FARS2: variants seen among roughly 807,000 people sequenced by gnomAD.
The protein encoded by FARS2 is phenylalanyl-tRNA synthetase 2, mitochondrial.
FARS2 carries 40 observed loss-of-function variants against 46.4 expected under a neutral mutation model. The observed-to-expected ratio is 0.86, with a 90% CI of 0.67 to 1.12. The LOEUF (loss-of-function observed/expected upper bound fraction) is 1.12, where lower values mean the gene tolerates loss of function less well. FARS2 is among the 50% of genes most tolerant of loss of function. The pLI is 0.00. For synonymous variants in FARS2, 234 were observed against 214.9 expected (o/e 1.09, Z -0.78); for missense variants, 513 against 567.9 (o/e 0.90, Z 0.98).
At chr6:5,656,152 A>G (rs917727476) in intron 6 of FARS2, among the ~76,000 whole-genome samples, 1 of 152,204 alleles carries the variant, frequency 6.6e-6, no homozygotes, top group East Asian at 1.9e-4. Flanking sequence ...AAGGAAGAGG[A>G]CGGTCCCTGT....
intron 4 of FARS2, among the ~76,000 whole-genome samples, chr6:5,502,093 AG>A (rs1391100795): frequency 1.8e-4 from 27 of 152,300 alleles, no homozygotes; most frequent in Admixed American, 8.5e-4. Context: ...AACTCCTCCC[AG>A]TCCAGCATGG....
At chr6:5,542,939 A>G (rs1375303219) in intron 4 of FARS2, among the ~76,000 whole-genome samples, 1 of 152,134 alleles carries the variant, frequency 6.6e-6, no homozygotes, top group Non-Finnish European at 1.5e-5. Context: ...TTGGACATAG[A>G]ACTTTTTTTG....
chr6:5,425,312 A>G (rs191814851), intron 3 of FARS2, among the ~76,000 whole-genome samples: 117 of 152,332 alleles, frequency 7.7e-4, no homozygotes, highest in African/African-American at 2.8e-3. Context: ...GGAAAGTCCC[A>G]TCTTTAAATA....
chr6:5,283,499 A>C (rs1195589360), intron 1 of FARS2, among the ~76,000 whole-genome samples: 1 of 149,008 alleles, frequency 6.7e-6, no homozygotes, highest in East Asian at 2.0e-4. Flanking sequence ...CAGTAAGCTG[A>C]GATTGCGCCA....
intron 1 of FARS2, among the ~76,000 whole-genome samples, chr6:5,290,417 A>G (rs749195405): frequency 2.6e-5 from 4 of 152,214 alleles, no homozygotes; most frequent in East Asian, 3.8e-4. Context: ...AGAAAAGATC[A>G]CAGCAATTTG....
chr6:5,748,845 C>T (rs571586510), intron 6 of FARS2, among the ~76,000 whole-genome samples: 49 of 152,348 alleles, frequency 3.2e-4, no homozygotes, highest in African/African-American at 1.1e-3. Flanking sequence ...TGTGAGCCTG[C>T]AACTGTAAAA....
intron 1 of FARS2, among the ~76,000 whole-genome samples, chr6:5,331,413 C>T (rs898436130): frequency 3.9e-5 from 6 of 152,168 alleles, no homozygotes; most frequent in Admixed American, 2.0e-4. Context: ...CCAAGTTATA[C>T]CCCTTGGGAT....
chr6:5,449,947 CAAAATCTG>C (rs1409163189), intron 4 of FARS2, among the ~76,000 whole-genome samples: 1 of 152,180 alleles, frequency 6.6e-6, no homozygotes, highest in Non-Finnish European at 1.5e-5. Context: ...CTGAGTATAC[CAAAATCTG>C]CACATACTCA....
At chr6:5,706,498 T>C (rs943326699) in intron 6 of FARS2, among the ~76,000 whole-genome samples, 7 of 152,206 alleles carry the variant, frequency 4.6e-5, no homozygotes, top group African/African-American at 9.7e-5. Flanking sequence ...TGACTTCTTA[T>C]GGACTGGAGG....
intron 1 of FARS2, among the ~76,000 whole-genome samples, chr6:5,320,712 G>A (rs527491943): frequency 6.6e-6 from 1 of 152,310 alleles, no homozygotes; most frequent in African/African-American, 2.4e-5. Flanking sequence ...AAGGGAGTTT[G>A]TTAGTTCATT....
intron 4 of FARS2, among the ~76,000 whole-genome samples, chr6:5,482,598 T>C (rs1766533300): frequency 1.3e-5 from 2 of 152,036 alleles, no homozygotes; most frequent in African/African-American, 4.8e-5. Flanking sequence ...TTCCTGGAAG[T>C]GAAGGACACC....
intron 4 of FARS2, among the ~76,000 whole-genome samples, chr6:5,532,318 A>G (rs554717569): frequency 2.0e-5 from 3 of 152,360 alleles, no homozygotes; most frequent in East Asian, 3.9e-4. Flanking sequence ...TCAAGTCCCA[A>G]TGTTTATGTG....
chr6:5,614,781 A>G (rs185158037), intron 6 of FARS2, among the ~76,000 whole-genome samples: 1 of 152,238 alleles, frequency 6.6e-6, no homozygotes, highest in African/African-American at 2.4e-5. Flanking sequence ...CCCTTTCCCC[A>G]ATTATCTAAA....
intron 5 of FARS2, among the ~76,000 whole-genome samples, chr6:5,589,357 A>G (rs139098958): frequency 1.4e-4 from 21 of 152,324 alleles, no homozygotes; most frequent in African/African-American, 5.1e-4. Context: ...CTGCATAAAT[A>G]TTGATCCTTA....
chr6:5,575,510 C>G (rs1332863920), intron 5 of FARS2, among the ~76,000 whole-genome samples: 1 of 152,152 alleles, frequency 6.6e-6, no homozygotes, highest in Admixed American at 6.6e-5. Context: ...AGATCAAGAA[C>G]TTTTTCTTAC....
chr6:5,539,396 ATATG>A (rs1554106820), intron 4 of FARS2, among the ~76,000 whole-genome samples: 3 of 136,492 alleles, frequency 2.2e-5, no homozygotes, highest in African/African-American at 5.9e-5. Context: ...ATATATATAT[ATATG>A]TATATATTTT....
At chr6:5,383,806 G>A (rs17313064) in intron 2 of FARS2, among the ~76,000 whole-genome samples, 23,901 of 148,476 alleles carry the variant, frequency 0.16, 2,313 homozygotes, top group Non-Finnish European at 0.21. Flanking sequence ...GTTCTTTCCC[G>A]TGGTTGACTG....
At chr6:5,660,576 A>G (rs1252568133) in intron 6 of FARS2, among the ~76,000 whole-genome samples, 1 of 150,810 alleles carries the variant, frequency 6.6e-6, no homozygotes, top group East Asian at 2.0e-4. Flanking sequence ...TGAGCCCAGG[A>G]GGTCAAGGAC....
upstream of FARS2, chr6:5,260,561 G>T: frequency 1.3e-6 from 2 of 1,503,400 alleles, no homozygotes; most frequent in Non-Finnish European, 1.8e-6. Flanking sequence ...GTGGCTCCCA[G>T]TCCCCGGGGA....
Sources: gnomAD v4.1 joint callset for allele counts (sites outside exome capture counted in the v4.1 genomes callset) on GRCh38, gnomAD v4.1.1 for gene constraint, MANE v1.5 for transcripts, NCBI Gene and HGNC (gene_info 2026-07-23, HGNC 2026-07-21) for gene names.